PDE4A: variants seen among roughly 807,000 people sequenced by gnomAD.
PDE4A encodes the protein phosphodiesterase 4A, also known as 3',5'-cyclic-AMP phosphodiesterase 4A.
In PDE4A, 21 loss-of-function variants were observed where a neutral mutation model predicts 73.9. The observed-to-expected ratio is 0.28, with a 90% CI of 0.20 to 0.41. The LOEUF (loss-of-function observed/expected upper bound fraction) is 0.41. Ranked by LOEUF, PDE4A falls within the 10% of genes least tolerant of loss-of-function variation. The probability of loss-of-function intolerance (pLI) is 1.00; values close to 1 mark genes in which losing one functional copy is unlikely to be tolerated. For missense variants in PDE4A, 958 were observed against 1,211.4 expected (o/e 0.79, Z 3.10); for synonymous variants, 463 against 505.4 (o/e 0.92, Z 1.13).
chr19:10,424,784 C>T lies in PDE4A; in HGVS notation c.320+3700C>T, dbSNP rs1182771866. Among the ~76,000 whole-genome samples, 1 of 152,266 alleles carries T rather than the reference C, an allele frequency of 6.6e-6. No individual in the cohort carries two copies. The highest frequency in any genetic ancestry group is 2.4e-5 in the African/African-American group (1 of 41,482). The stretch of plus-strand genomic sequence containing the variant: ...AGGGAGGAACCTGGCCGAAAAGTTG[C>T]AGCCGTGGAGTTCCCGTCCCGCCTC... On this transcript the variant is annotated intron_variant, in intron 1 of 14. Transcript: ENST00000380702. The surrounding 1 kb of genome is among the most constrained non-coding windows in gnomAD (Gnocchi z 4.8).
At chr19:10,444,452 C>G (rs892496013) in intron 1 of PDE4A, among the ~76,000 whole-genome samples, 1 of 151,160 alleles carries the variant, frequency 6.6e-6, no homozygotes, top group Admixed American at 6.6e-5. Flanking sequence ...GAGCTGAGAT[C>G]GCGCCATTGC....
intron 1 of PDE4A, among the ~76,000 whole-genome samples, chr19:10,430,060 A>G (rs899424756): frequency 2.0e-5 from 3 of 151,346 alleles, no homozygotes; most frequent in Admixed American, 1.3e-4. Context: ...GTACTGAGGG[A>G]GGGTCTATGC....
upstream of PDE4A, chr19:10,417,956 ATGCTCCC>A (rs2042604603): frequency 1.4e-6 from 2 of 1,401,606 alleles, no homozygotes; most frequent in Non-Finnish European, 1.9e-6. Context: ...CCCGATCTCC[ATGCTCCC>A]TGCCGTTTGC....
rs931390377 is a variant in PDE4A at position 10,463,724 on chromosome 19, T to A, written c.1744-69T>A. ...CCCCCATTTCTTAAAAAAGAAGGAA[T>A]GCCTGAGGTCTCAGACTGGGACACA... On this transcript the variant is annotated intron_variant, in intron 13 of 14. Coordinates refer to ENST00000380702, the MANE Select transcript of PDE4A (RefSeq NM_001111307.2). The A allele has an allele frequency of 1.2e-5, 19 of 1,588,006 alleles. No individual in the cohort carries two copies. In the East Asian group the frequency reaches 3.8e-4, roughly 32 times the overall value.
In PDE4A at chr19:10,467,320, G is replaced by A; in HGVS notation, c.2360G>A (p.Gly787Asp). The part of the protein sequence containing the change: ...VYLTQQAQST[G>D]SAPVAPDEFS... ...TTGACACAGCAGGCACAGTCCACAG[G>A]CAGTGCACCTGTGGCTCCGGATGAG... The change falls in exon 15 of 15, where the codon GGC (glycine) becomes GAC (aspartate). Residue 787 changes from glycine (G) to aspartate (D), a missense_variant. Around this residue, in one of 3 missense-constraint regions of PDE4A, gnomAD observed 243 missense variants for 245.9 expected, o/e 0.99. Transcript: ENST00000380702. 6.2e-7 allele frequency: 1 copy of A among 1,614,208 alleles called. No individual in the cohort carries two copies. The highest frequency in any genetic ancestry group is 1.1e-5 in the South Asian group (1 of 91,084).
chr19:10,453,580 G>C lies in PDE4A; in HGVS notation c.784-1249G>C, dbSNP rs144928391. Reference sequence around the variant, plus strand: ...GATGTGTGTGTGTGTGTCTGCGATGGTGTGTGTCTGCCTGAGTATAGGCTT... The same window carrying C: ...GATGTGTGTGTGTGTGTCTGCGATGCTGTGTGTCTGCCTGAGTATAGGCTT... On this transcript the variant is annotated intron_variant, in intron 6 of 14. Coordinates refer to ENST00000380702, the MANE Select transcript of PDE4A (RefSeq NM_001111307.2). The surrounding 1 kb of genome is among the most constrained non-coding windows in gnomAD (Gnocchi z 4.6). 4.5e-4 allele frequency among the ~76,000 whole-genome samples: 69 copies of C among 152,162 alleles called. No individual in the cohort carries two copies. The East Asian group carries it at 0.011, about 25-fold the overall frequency.
At chr19:10,459,862 C>A in intron 10 of PDE4A, 103 bp downstream of exon 10, 2 of 1,285,494 alleles carry the variant, frequency 1.6e-6, no homozygotes, top group Non-Finnish European at 2.1e-6. Flanking sequence ...CTCCATCTCT[C>A]TTTGACGCCA....
At chr19:10,455,615 T>G (rs1482995368) in intron 7 of PDE4A, among the ~76,000 whole-genome samples, 1 of 150,944 alleles carries the variant, frequency 6.6e-6, no homozygotes, top group Admixed American at 6.6e-5. Flanking sequence ...GCCTGGGCAA[T>G]AGAGTGAGAC....
intron 1 of PDE4A, among the ~76,000 whole-genome samples, chr19:10,434,203 C>G (rs1383514030): frequency 1.4e-5 from 2 of 146,486 alleles, no homozygotes; most frequent in African/African-American, 5.1e-5. Flanking sequence ...CCTTCTTTCT[C>G]TCTTTCTTCC....
intron 1 of PDE4A, chr19:10,430,902 G>A (rs2042779249): frequency 3.3e-6 from 5 of 1,493,782 alleles, no homozygotes; most frequent in Non-Finnish European, 4.4e-6. Flanking sequence ...GGCCTTCCCG[G>A]TGGCGGTGGC....
intron 1 of PDE4A, chr19:10,427,483 C>T: frequency 1.0e-6 from 1 of 985,310 alleles, no homozygotes; most frequent in Non-Finnish European, 1.2e-6. Context: ...TGACAGGCAG[C>T]TCATGTAAGG....
chr19:10,425,792 T>C (rs923375703), intron 1 of PDE4A, among the ~76,000 whole-genome samples: 1 of 150,802 alleles, frequency 6.6e-6, no homozygotes, highest in Non-Finnish European at 1.5e-5. Flanking sequence ...TTGAGACCAG[T>C]CTGGCCAACA....
Position 10,457,884 on chromosome 19 carries a change from C to G in PDE4A, c.883C>G (p.Gln295Glu). 3 of 1,612,194 alleles carry G rather than the reference C, an allele frequency of 1.9e-6. No homozygotes were observed. Among genetic ancestry groups the G allele is most frequent in the Non-Finnish European group, 2.5e-6 (3 of 1,180,002 alleles). Residue 295 changes from glutamine to glutamate, a missense_variant, in exon 8 of 15, where the codon CAG becomes GAG. By Grantham distance (29) the Gln-to-Glu change is conservative (BLOSUM62 2). Coordinates refer to ENST00000380702, the MANE Select transcript of PDE4A (RefSeq NM_001111307.2). The part of the protein sequence containing the change: ...EYISTTFLDK[Q>E]NEVEIPSPTM... ...CTGCTCCCCATCTTCTGCAGACAAACAGAATGAAGTGGAGATCCCATCACC... is the reference window on the plus strand; with the variant it reads ...CTGCTCCCCATCTTCTGCAGACAAAGAGAATGAAGTGGAGATCCCATCACC...
rs1342683511 is a variant in PDE4A at position 10,420,886 on chromosome 19, T to A, written c.122T>A (p.Ile41Asn). 1 of 1,589,426 alleles carries A rather than the reference T, an allele frequency of 6.3e-7. No individual in the cohort carries two copies. Among genetic ancestry groups the A allele is most frequent in the African/African-American group, 1.4e-5 (1 of 73,684 alleles). The change falls in exon 1 of 15, where the codon ATC (isoleucine) becomes AAC (asparagine). Residue 41 changes from isoleucine to asparagine, a missense_variant. This residue lies in a region of PDE4A where 145 missense variants were observed against 137.8 expected (regional missense o/e 1.05). Coordinates refer to ENST00000380702, the MANE Select transcript of PDE4A (RefSeq NM_001111307.2). The surrounding 1 kb of genome is among the most constrained non-coding windows in gnomAD (Gnocchi z 6.0). ...CTGTGGCGGCAGCCTCGGACCCCCATCCGTATCCAGCAGCGCGGCTACTCC... is the reference window on the plus strand; with the variant it reads ...CTGTGGCGGCAGCCTCGGACCCCCAACCGTATCCAGCAGCGCGGCTACTCC... ...QHLWRQPRTP[I>N]RIQQRGYSDS...
At position 10,454,811 on chromosome 19, in the gene PDE4A, T is replaced by C; in HGVS notation, c.784-18T>C. On this transcript the variant is annotated intron_variant, in intron 6 of 14. Transcript: ENST00000380702. ...TGCTTCCCCCATCATTTCTTCCTTGTTGACTCCTTTACCTTAGTTCAAAAG... is the reference window on the plus strand; with the variant it reads ...TGCTTCCCCCATCATTTCTTCCTTGCTGACTCCTTTACCTTAGTTCAAAAG... 1 of 1,613,944 alleles carries C rather than the reference T, an allele frequency of 6.2e-7. No homozygotes were observed. The highest frequency in any genetic ancestry group is 8.5e-7 in the Non-Finnish European group (1 of 1,179,884).
rs2043255649 is a variant in PDE4A, at chr19:10,461,055, C to T, written c.1417C>T (p.His473Tyr). 1 of 1,613,806 alleles carries T rather than the reference C, an allele frequency of 6.2e-7. No individual in the cohort carries two copies. The highest frequency in any genetic ancestry group is 8.5e-7 in the Non-Finnish European group (1 of 1,179,762). ...CGCCGCCCTCTTCGCGGCTGCCATC[C>T]ACGATGTGGATCACCCTGGGGTCTC... Reference protein sequence around the residue: ...ILAALFAAAIHDVDHPGVSNQ... With the variant: ...ILAALFAAAIYDVDHPGVSNQ... Residue 473 changes from histidine (H) to tyrosine (Y), a missense_variant, in exon 11 of 15, where the codon CAC (histidine) becomes TAC (tyrosine). By Grantham distance (83) the His-to-Tyr change is moderately conservative. Transcript: ENST00000380702.
chr19:10,430,739 G>T (rs1014295244), intron 1 of PDE4A: 1 of 273,028 alleles, frequency 3.7e-6, no homozygotes, highest in Non-Finnish European at 5.6e-6. Flanking sequence ...GCGACAGGGC[G>T]GGGTGGGGCC....
Position 10,420,818 on chromosome 19 carries a change from GC to G in PDE4A, c.58del (p.Arg20GlyfsTer7). 6.3e-7 allele frequency: 1 copy of G among 1,587,410 alleles called. No homozygotes were observed. Among genetic ancestry groups the G allele is most frequent in the Non-Finnish European group, 8.5e-7 (1 of 1,174,946 alleles). ...GGAGCCTGTCTCTGTCACTGCCCGG[GC>G]CCCGGGAGGGCCAGGCCACCCTGAA... ...ERSLSLSLPG[P>X]REGQATLKPP... On this transcript the variant is annotated frameshift_variant, in exon 1 of 15. Coordinates refer to ENST00000380702, the MANE Select transcript of PDE4A (RefSeq NM_001111307.2). LOFTEE classifies it high-confidence loss of function. This position sits in a 1 kb window ranked among gnomAD's most constrained non-coding sequence, Gnocchi z 6.0.
chr19:10,432,630 TG>T (rs969233278), intron 1 of PDE4A: 43 of 1,432,790 alleles, frequency 3.0e-5, no homozygotes, highest in Admixed American at 7.7e-5. Flanking sequence ...CTGGCTGTGC[TG>T]GGGGGGTGGG....
Sources: gnomAD v4.1 joint callset for allele counts (sites outside exome capture counted in the v4.1 genomes callset) on GRCh38, gnomAD v4.1.1 for gene constraint, gnomAD v4.1.1 regional missense constraint, Gnocchi (gnomAD v3.1) non-coding constraint, MANE v1.5 for transcripts, NCBI Gene and HGNC (gene_info 2026-07-23, HGNC 2026-07-21) for gene names.